The following DLC1 variants were observed in gnomAD, a reference collection of about 807,000 sequenced individuals.
DLC1 encodes rho GTPase-activating protein 7.
DLC1 carries 54 observed loss-of-function variants against 140.3 expected under a neutral mutation model. That is an observed-to-expected ratio of 0.38 (90% CI 0.31 to 0.48). DLC1 has a LOEUF of 0.48. DLC1 is among the 20% of genes least tolerant of loss of function. The probability of loss-of-function intolerance (pLI) is 0.96; values close to 1 mark genes in which losing one functional copy is unlikely to be tolerated. For synonymous variants in DLC1, 986 were observed against 728.1 expected, an observed-to-expected ratio of 1.35 and a Z score of -5.70; for missense variants, 2,536 against 1,907.0, an observed-to-expected ratio of 1.33 and a Z score of -6.14.
intron 4 of DLC1, among the ~76,000 whole-genome samples, chr8:13,387,837 A>C (rs1207044063): frequency 6.6e-6 from 1 of 152,020 alleles, no homozygotes; most frequent in Non-Finnish European, 1.5e-5. Flanking sequence ...CAGCATATTT[A>C]TTATTTGTAG....
chr8:13,282,507 C>T (rs185559648), intron 5 of DLC1, among the ~76,000 whole-genome samples: 198 of 152,174 alleles, frequency 1.3e-3, no homozygotes, highest in African/African-American at 4.6e-3. Context: ...TGTAAAAAAT[C>T]TATAACTTAT....
chr8:13,205,181 A>T (rs1259534473), intron 5 of DLC1, among the ~76,000 whole-genome samples: 2 of 152,228 alleles, frequency 1.3e-5, no homozygotes, highest in Non-Finnish European at 2.9e-5. Context: ...GAACAGACTA[A>T]TAAATATCAT....
intron 6 of DLC1, among the ~76,000 whole-genome samples, chr8:13,113,098 A>T (rs1236439701): frequency 6.6e-6 from 1 of 152,214 alleles, no homozygotes; most frequent in Non-Finnish European, 1.5e-5. Flanking sequence ...ATTAAATGCA[A>T]GTGAGGAGTG....
chr8:13,536,954 A>G (rs1337029921), intron 1 of DLC1, among the ~76,000 whole-genome samples: 4 of 152,208 alleles, frequency 2.6e-5, no homozygotes, highest in African/African-American at 7.2e-5. Context: ...GTTAGAGACC[A>G]GGGAATTTTA....
chr8:13,209,516 A>G lies in DLC1; in HGVS notation c.1349-93859T>C, dbSNP rs151144606. Reference sequence around the variant, plus strand: ...ATGGTATTGCTCATAAATAGAAAAAATAGCAAAACCCTGTGATACAGTTTG... The same window carrying G: ...ATGGTATTGCTCATAAATAGAAAAAGTAGCAAAACCCTGTGATACAGTTTG... On this transcript the variant is annotated intron_variant, in intron 5 of 17. Transcript: ENST00000276297. Among the ~76,000 whole-genome samples the G allele has an allele frequency of 9.3e-4, 141 of 152,298 alleles. 1 individual carries two copies. Among genetic ancestry groups the G allele is most frequent in the East Asian group, 7.3e-3 (38 of 5,188 alleles).
intron 5 of DLC1, among the ~76,000 whole-genome samples, chr8:13,190,066 A>T (rs986751621): frequency 6.6e-6 from 1 of 152,164 alleles, no homozygotes; most frequent in South Asian, 2.1e-4. Flanking sequence ...AAAGAAACAG[A>T]TGAAACTAAC....
intron 5 of DLC1, among the ~76,000 whole-genome samples, chr8:13,171,415 C>T (rs963025194): frequency 6.6e-6 from 1 of 152,116 alleles, no homozygotes; most frequent in Non-Finnish European, 1.5e-5. Flanking sequence ...CAGGGTCTTG[C>T]TCTGTCACTC....
chr8:13,205,023 C>T (rs916259747), intron 5 of DLC1, among the ~76,000 whole-genome samples: 14 of 152,008 alleles, frequency 9.2e-5, no homozygotes, highest in Non-Finnish European at 1.3e-4. Flanking sequence ...AGTCTTGCAA[C>T]ATGGCATTTT....
intron 4 of DLC1, among the ~76,000 whole-genome samples, chr8:13,367,490 C>T (rs555050309): frequency 3.9e-5 from 6 of 152,272 alleles, no homozygotes; most frequent in South Asian, 2.1e-4. Flanking sequence ...TACCAAAGAT[C>T]TTCCCATGAA....
At chr8:13,429,941 C>T (rs1293510084) in intron 2 of DLC1, among the ~76,000 whole-genome samples, 1 of 152,134 alleles carries the variant, frequency 6.6e-6, no homozygotes, top group African/African-American at 2.4e-5. Context: ...TATTTAAATG[C>T]TATCTGATAT....
chr8:13,340,471 G>A (rs7014770), intron 4 of DLC1: 8,405 of 152,332 alleles, frequency 0.055, 288 homozygotes, highest in South Asian at 0.14. Context: ...AAAGTGCTGG[G>A]ATTACAGGCG....
intron 5 of DLC1, among the ~76,000 whole-genome samples, chr8:13,289,285 A>C (rs1831663833): frequency 6.6e-6 from 1 of 152,010 alleles, no homozygotes. Flanking sequence ...CCAACTCCTG[A>C]GTTCAAGCTA....
In DLC1 at chr8:13,100,358, G is replaced by A; in HGVS notation, c.1979C>T (p.Ala660Val). 6.2e-7 allele frequency: 1 copy of A among 1,614,210 alleles called. No individual in the cohort carries two copies. The highest frequency in any genetic ancestry group is 1.3e-5 in the African/African-American group (1 of 75,066). The change falls in exon 9 of 18, where the codon GCC becomes GTC. Residue 660 changes from alanine to valine, a missense_variant. Physicochemically the swap from Ala to Val is moderately conservative, Grantham distance 64. Transcript: ENST00000276297. ...CAGCAGACTGCGCGTCTTGGACTTG[G>A]CAGTTTTTTCGTGGCCTTTCATGCT... The part of the protein sequence containing the change: ...SFSMKGHEKT[A>V]KSKTRSLLKR...
At chr8:13,160,662 T>C (rs1215857565) in intron 5 of DLC1, among the ~76,000 whole-genome samples, 2 of 152,214 alleles carry the variant, frequency 1.3e-5, no homozygotes, top group African/African-American at 2.4e-5. Context: ...GAAAGCTTCA[T>C]GCATCCTAGC....
chr8:13,603,842 G>A (rs937631014), intron 1 of DLC1, among the ~76,000 whole-genome samples: 20 of 152,152 alleles, frequency 1.3e-4, no homozygotes, highest in African/African-American at 4.8e-4. Flanking sequence ...TTGTAACCTT[G>A]TTGATTAAGC....
At chr8:13,388,173 A>G (rs1161892153) in intron 4 of DLC1, among the ~76,000 whole-genome samples, 1 of 152,060 alleles carries the variant, frequency 6.6e-6, no homozygotes, top group Non-Finnish European at 1.5e-5. Context: ...CGTACTCCCA[A>G]TCAGACTGTC....
At chr8:13,450,380 G>A (rs1444668897) in intron 2 of DLC1, among the ~76,000 whole-genome samples, 11 of 148,060 alleles carry the variant, frequency 7.4e-5, no homozygotes, top group Non-Finnish European at 1.6e-4. Flanking sequence ...ACTTGAACCC[G>A]GAAGGTGGAG....
intron 2 of DLC1, among the ~76,000 whole-genome samples, chr8:13,449,215 C>T (rs1026113545): frequency 6.6e-6 from 1 of 152,124 alleles, no homozygotes; most frequent in Non-Finnish European, 1.5e-5. Flanking sequence ...TATTGTTGGA[C>T]TTGAGTAAAT....
Position 13,100,150 on chromosome 8 carries a change from T to C in DLC1, c.2187A>G (p.Val729=). The change falls in exon 9 of 18, where the codon GTA becomes GTG. Residue 729 remains valine, a synonymous_variant. Coordinates refer to ENST00000276297, the MANE Select transcript of DLC1 (RefSeq NM_182643.3). ...TGGAGTTGGAAACGCTCCTCTTTCGTACCATGGGGACGTTGATGCGGTTGC... is the reference window on the plus strand; with the variant it reads ...TGGAGTTGGAAACGCTCCTCTTTCGCACCATGGGGACGTTGATGCGGTTGC... ...LNGNRINVPM[V]RKRSVSNSTQ... The C allele has an allele frequency of 6.2e-7, 1 of 1,614,176 alleles. No individual in the cohort carries two copies. The highest frequency in any genetic ancestry group is 8.5e-7 in the Non-Finnish European group (1 of 1,180,034).
Sources: allele counts gnomAD v4.1 joint callset (sites outside exome capture counted in the v4.1 genomes callset), GRCh38; gene constraint gnomAD v4.1.1; transcripts MANE v1.5; gene names NCBI Gene and HGNC (gene_info 2026-07-23, HGNC 2026-07-21).